SPAG6: variants seen among roughly 807,000 people sequenced by gnomAD.
SPAG6 encodes the protein sperm-associated antigen 6.
Under a neutral mutation model 58.5 loss-of-function variants are expected in SPAG6, and 49 were observed. The ratio of observed to expected loss-of-function variants is 0.84; its 90% CI spans 0.67 to 1.06. The LOEUF is 1.06. Ranked by LOEUF, SPAG6 falls within the 50% of genes least tolerant of loss-of-function variation. SPAG6 has a pLI of 0.00. For synonymous variants in SPAG6, 233 were observed against 225.6 expected, an observed-to-expected ratio of 1.03 and a Z score of -0.29; for missense variants, 560 against 611.3, an observed-to-expected ratio of 0.92 and a Z score of 0.89.
At position 22,345,748 on chromosome 10, in the gene SPAG6, G is replaced by GACCC; in HGVS notation, c.53_56dup (p.Gln19HisfsTer13). ...TGTTCGAGCAATACCAGAAGGCCAG[G>GACCC]ACCCAGTTCGTGCAGATGGTGGCGG... On this transcript the variant is annotated frameshift_variant, in exon 2 of 11. Transcript: ENST00000376624. LOFTEE classifies it high-confidence loss of function. The surrounding 1 kb of genome is among the most constrained non-coding windows in gnomAD (Gnocchi z 6.3). 6.2e-7 allele frequency: 1 copy of GACCC among 1,613,558 alleles called. No individual in the cohort carries two copies. The highest frequency in any genetic ancestry group is 8.5e-7 in the Non-Finnish European group (1 of 1,179,792).
At chr10:22,385,539 C>G (rs1270870836) in intron 4 of SPAG6, among the ~76,000 whole-genome samples, 1 of 152,172 alleles carries the variant, frequency 6.6e-6, no homozygotes, top group African/African-American at 2.4e-5. Flanking sequence ...TGGCGCCGAG[C>G]TGAATGAGCC....
chr10:22,349,990 A>G (rs940085422), intron 2 of SPAG6, among the ~76,000 whole-genome samples: 3 of 152,178 alleles, frequency 2.0e-5, no homozygotes, highest in Non-Finnish European at 2.9e-5. Context: ...ATACCTTGAT[A>G]TGTACATGTG....
intron 2 of SPAG6, among the ~76,000 whole-genome samples, chr10:22,362,892 A>G (rs906589624): frequency 1.2e-4 from 19 of 152,122 alleles, no homozygotes; most frequent in African/African-American, 3.6e-4. Flanking sequence ...AAGATGCTCA[A>G]CATTATTAGT....
chr10:22,372,797 C>T (rs781336087), intron 4 of SPAG6, among the ~76,000 whole-genome samples: 252 of 150,730 alleles, frequency 1.7e-3, no homozygotes, highest in Non-Finnish European at 3.0e-3. Context: ...TTGTGGTAAA[C>T]TTTGGCTTAT....
chr10:22,356,800 C>T (rs1261067230), intron 2 of SPAG6, among the ~76,000 whole-genome samples: 1 of 152,194 alleles, frequency 6.6e-6, no homozygotes, highest in Non-Finnish European at 1.5e-5. Flanking sequence ...ATGATAGTTT[C>T]CTAAGTGGTC....
intron 2 of SPAG6, among the ~76,000 whole-genome samples, chr10:22,348,060 G>A (rs943597370): frequency 1.3e-5 from 2 of 151,946 alleles, no homozygotes; most frequent in Non-Finnish European, 2.9e-5. Flanking sequence ...GCATGATCTC[G>A]GCTCACTACA....
chr10:22,413,224 G>C (rs6482209), intron 10 of SPAG6, among the ~76,000 whole-genome samples: 25,344 of 151,000 alleles, frequency 0.17, 6,343 homozygotes, highest in African/African-American at 0.55. Flanking sequence ...ACTACAAACT[G>C]CATCACATTA....
At chr10:22,412,133 G>A (rs1458098164) in intron 10 of SPAG6, among the ~76,000 whole-genome samples, 1 of 152,142 alleles carries the variant, frequency 6.6e-6, no homozygotes, top group African/African-American at 2.4e-5. Context: ...ACAGGCGTGA[G>A]CCACCGCGAC....
intron 2 of SPAG6, among the ~76,000 whole-genome samples, chr10:22,363,066 AAC>A (rs1370307320): frequency 2.6e-5 from 4 of 152,186 alleles, no homozygotes; most frequent in African/African-American, 9.7e-5. Flanking sequence ...TGCTGTGGAA[AAC>A]AGTTTGGCAA....
intron 8 of SPAG6, among the ~76,000 whole-genome samples, chr10:22,399,318 A>G (rs1834360614): frequency 6.6e-6 from 1 of 152,116 alleles, no homozygotes; most frequent in African/African-American, 2.4e-5. Flanking sequence ...CCTCCTCTCA[A>G]TTATACCCAC....
At chr10:22,390,499 G>A (rs1000934320) in intron 7 of SPAG6, among the ~76,000 whole-genome samples, 1 of 152,090 alleles carries the variant, frequency 6.6e-6, no homozygotes, top group Non-Finnish European at 1.5e-5. Context: ...CACATAGTAT[G>A]GTAGCACTCT....
chr10:22,387,986 A>G lies in SPAG6; in HGVS notation c.842A>G (p.His281Arg). Reference sequence around the variant, plus strand: ...ACTTTAATTAGAGAGATTGCAAAACATACACCCGAGGTGAAAAGAAACTTC... The same window carrying G: ...ACTTTAATTAGAGAGATTGCAAAACGTACACCCGAGGTGAAAAGAAACTTC... ...ASTLIREIAK[H>R]TPELSQLVVN... The change falls in exon 6 of 11, where the codon CAT becomes CGT. Residue 281 changes from histidine to arginine, a missense_variant. Transcript: ENST00000376624. The G allele has an allele frequency of 1.2e-6, 2 of 1,606,544 alleles. No homozygotes were observed. The highest frequency in any genetic ancestry group is 1.7e-6 in the Non-Finnish European group (2 of 1,177,484).
intron 4 of SPAG6, among the ~76,000 whole-genome samples, chr10:22,373,145 A>G: frequency 6.6e-6 from 1 of 152,140 alleles, no homozygotes; most frequent in Middle Eastern, 3.2e-3. Context: ...ATTTCTGTCC[A>G]GCTCTGTGGC....
chr10:22,348,877 G>C lies in SPAG6; in HGVS notation c.121+3059G>C, dbSNP rs184530922. Among the ~76,000 whole-genome samples, 252 of 152,264 alleles carry C rather than the reference G, an allele frequency of 1.7e-3. 2 individuals carry two copies. Among genetic ancestry groups the C allele is most frequent in the Admixed American group, 2.7e-3 (41 of 15,306 alleles). On this transcript the variant is annotated intron_variant, in intron 2 of 10. Coordinates refer to ENST00000376624, the MANE Select transcript of SPAG6 (RefSeq NM_012443.4). ...AGACAGGGTTTCACTCTGTCGCCCA[G>C]ACTGGAGTGCAGTGGTGCTATCTCA...
chr10:22,345,771 C>T lies in SPAG6; in HGVS notation c.74C>T (p.Ala25Val). The change falls in exon 2 of 11, where the codon GCG becomes GTG. Residue 25 changes from alanine (A) to valine (V), a missense_variant. Ala to Val is a moderately conservative substitution (Grantham distance 64). Coordinates refer to ENST00000376624, the MANE Select transcript of SPAG6 (RefSeq NM_012443.4). This position sits in a 1 kb window ranked among gnomAD's most constrained non-coding sequence, Gnocchi z 6.3. ...KARTQFVQMV[A>V]ELATRPQNIE... is the part of the protein sequence containing the mutation. ...AGGACCCAGTTCGTGCAGATGGTGG[C>T]GGAGCTGGCGACTAGACCCCAAAAC... 2 of 1,613,660 alleles carry T rather than the reference C, an allele frequency of 1.2e-6. No homozygotes were observed. The highest frequency in any genetic ancestry group is 8.5e-7 in the Non-Finnish European group (1 of 1,179,826).
In SPAG6 at chr10:22,367,914, C is replaced by T. The variant is rs201270368; in HGVS notation, c.289-581C>T. On this transcript the variant is annotated intron_variant, in intron 3 of 10. Coordinates refer to ENST00000376624, the MANE Select transcript of SPAG6 (RefSeq NM_012443.4). ...CCCATTGTTTGGCTGATTTATTTGC[C>T]AGGAAAAGTTTTAAAATGTGTCATG... 7.2e-5 allele frequency among the ~76,000 whole-genome samples: 11 copies of T among 151,958 alleles called. No individual in the cohort carries two copies. In the East Asian group the frequency reaches 1.5e-3, roughly 21 times the overall value.
chr10:22,371,730 A>T (rs113637640), intron 4 of SPAG6, among the ~76,000 whole-genome samples: 1 of 152,254 alleles, frequency 6.6e-6, no homozygotes, highest in Non-Finnish European at 1.5e-5. Flanking sequence ...GGGCAATAGA[A>T]GGAAAAAGTT....
At chr10:22,359,692 T>C (rs1836978567) in intron 2 of SPAG6, among the ~76,000 whole-genome samples, 1 of 152,230 alleles carries the variant, frequency 6.6e-6, no homozygotes, top group East Asian at 1.9e-4. Flanking sequence ...AATTTTGTTA[T>C]GTATATTTTG....
chr10:22,407,859 C>G (rs1416904693), intron 9 of SPAG6, among the ~76,000 whole-genome samples: 1 of 151,578 alleles, frequency 6.6e-6, no homozygotes, highest in South Asian at 2.1e-4. Context: ...TTTTCTCTAA[C>G]CTTCCTTTCT....
Sources: allele counts gnomAD v4.1 joint callset (sites outside exome capture counted in the v4.1 genomes callset), GRCh38; gene constraint gnomAD v4.1.1; non-coding constraint Gnocchi (gnomAD v3.1); transcripts MANE v1.5; gene names NCBI Gene and HGNC (gene_info 2026-07-23, HGNC 2026-07-21).